MTHFD2L: variants seen among roughly 807,000 people sequenced by gnomAD.
MTHFD2L encodes bifunctional methylenetetrahydrofolate dehydrogenase/cyclohydrolase 2, mitochondrial.
In MTHFD2L, 29 loss-of-function variants were observed where a neutral mutation model predicts 34.9. That is an observed-to-expected ratio of 0.83 (90% confidence interval 0.62 to 1.13). The LOEUF is 1.13. Ranked by LOEUF, MTHFD2L falls within the 50% of genes most tolerant of loss-of-function variation. MTHFD2L has a pLI of 0.00. For synonymous variants in MTHFD2L, 167 were observed against 155.7 expected, an observed-to-expected ratio of 1.07 and a Z score of -0.54; for missense variants, 481 against 446.5, an observed-to-expected ratio of 1.08 and a Z score of -0.70.
intron 7 of MTHFD2L, among the ~76,000 whole-genome samples, chr4:74,282,050 A>G (rs946542424): frequency 7.2e-5 from 11 of 152,068 alleles, no homozygotes; most frequent in African/African-American, 2.7e-4. Context: ...TTTTAGAGAG[A>G]ATAAAGAAAA....
At chr4:74,263,624 C>T in intron 6 of MTHFD2L, among the ~76,000 whole-genome samples, 1 of 151,826 alleles carries the variant, frequency 6.6e-6, no homozygotes, top group Non-Finnish European at 1.5e-5. Flanking sequence ...CCTGATTTGG[C>T]TCTTGACTGG....
intron 6 of MTHFD2L, chr4:74,267,067 T>C: frequency 1.0e-6 from 1 of 985,370 alleles, no homozygotes; most frequent in Non-Finnish European, 1.2e-6. Context: ...TCTCCTTGCT[T>C]TGATCCTTTT....
At chr4:74,205,041 C>G (rs1233409217) in intron 5 of MTHFD2L, among the ~76,000 whole-genome samples, 3 of 151,970 alleles carry the variant, frequency 2.0e-5, no homozygotes, top group Non-Finnish European at 4.4e-5. Flanking sequence ...TTAAACTTAC[C>G]TTTATTATAG....
intron 6 of MTHFD2L, among the ~76,000 whole-genome samples, chr4:74,243,455 C>G (rs1028157980): frequency 6.6e-6 from 1 of 152,004 alleles, no homozygotes; most frequent in Non-Finnish European, 1.5e-5. Context: ...GAGGCAAAGT[C>G]TTGAAGCTTT....
chr4:74,239,234 G>A (rs1438990986), intron 6 of MTHFD2L, among the ~76,000 whole-genome samples: 1 of 152,104 alleles, frequency 6.6e-6, no homozygotes, highest in Non-Finnish European at 1.5e-5. Flanking sequence ...CTGTCACAAG[G>A]ACAGAAAACC....
At chr4:74,293,081 A>C (rs1749161435) in intron 7 of MTHFD2L, among the ~76,000 whole-genome samples, 3 of 152,180 alleles carry the variant, frequency 2.0e-5, no homozygotes, top group Admixed American at 6.6e-5. Context: ...GCTCTAGGGT[A>C]CATGTGCAGA....
At chr4:74,254,123 C>G (rs1187417588) in intron 6 of MTHFD2L, among the ~76,000 whole-genome samples, 1 of 152,046 alleles carries the variant, frequency 6.6e-6, no homozygotes, top group African/African-American at 2.4e-5. Context: ...GGGCAGAAAG[C>G]TTAATTAAAG....
chr4:74,286,244 T>C (rs1748155164), intron 7 of MTHFD2L, among the ~76,000 whole-genome samples: 1 of 152,198 alleles, frequency 6.6e-6, no homozygotes, highest in Non-Finnish European at 1.5e-5. Flanking sequence ...TTTAAAACCA[T>C]CTGTGATAAC....
chr4:74,223,690 A>G (rs927833945), intron 5 of MTHFD2L, among the ~76,000 whole-genome samples: 2 of 152,024 alleles, frequency 1.3e-5, no homozygotes, highest in Admixed American at 6.6e-5. Context: ...CAACTTTTCC[A>G]TGACATTTTT....
chr4:74,278,450 TGTA>T (rs2110267526), intron 6 of MTHFD2L, among the ~76,000 whole-genome samples: 1 of 152,230 alleles, frequency 6.6e-6, no homozygotes, highest in Non-Finnish European at 1.5e-5. Flanking sequence ...ATATGGGCTA[TGTA>T]GCTACTGGTA....
At chr4:74,200,589 A>T (rs1461152351) in intron 4 of MTHFD2L, among the ~76,000 whole-genome samples, 1 of 152,134 alleles carries the variant, frequency 6.6e-6, no homozygotes, top group Non-Finnish European at 1.5e-5. Context: ...TTACCCTTGT[A>T]CTGTACTGGA....
chr4:74,243,092 T>A (rs559570950), intron 6 of MTHFD2L, among the ~76,000 whole-genome samples: 2 of 152,282 alleles, frequency 1.3e-5, no homozygotes, highest in Middle Eastern at 3.4e-3. Context: ...AGAAGGGGAC[T>A]TGGTCAAGTG....
At chr4:74,230,287 T>G (rs1170816880) in intron 6 of MTHFD2L, among the ~76,000 whole-genome samples, 1 of 151,980 alleles carries the variant, frequency 6.6e-6, no homozygotes, top group East Asian at 1.9e-4. Flanking sequence ...AATGTTAAGA[T>G]TAAGAAATGA....
intron 6 of MTHFD2L, chr4:74,267,705 G>T (rs1344220334): frequency 2.0e-6 from 2 of 985,236 alleles, no homozygotes; most frequent in Non-Finnish European, 2.4e-6. Flanking sequence ...AAAGTTCTGG[G>T]ATTACAGGTG....
At chr4:74,127,557 A>G (rs1232002749) in intron 1 of MTHFD2L, among the ~76,000 whole-genome samples, 2 of 152,104 alleles carry the variant, frequency 1.3e-5, no homozygotes, top group Non-Finnish European at 2.9e-5. Context: ...AGTTCCATCT[A>G]TGTTGCTGCA....
intron 5 of MTHFD2L, 84 bp from the exon 6 acceptor site, chr4:74,225,218 T>G: frequency 9.9e-7 from 1 of 1,014,322 alleles, no homozygotes; most frequent in Non-Finnish European, 1.5e-6. Flanking sequence ...TCTTAGGAAA[T>G]AAGTGAAACT....
intron 6 of MTHFD2L, among the ~76,000 whole-genome samples, chr4:74,240,933 T>G (rs1741611099): frequency 6.6e-6 from 1 of 152,176 alleles, no homozygotes; most frequent in Non-Finnish European, 1.5e-5. Flanking sequence ...CAAAGTAATG[T>G]GAATTAAATG....
intron 6 of MTHFD2L, among the ~76,000 whole-genome samples, chr4:74,238,674 A>G (rs757929533): frequency 2.6e-5 from 4 of 152,206 alleles, no homozygotes; most frequent in Non-Finnish European, 5.9e-5. Context: ...AAAAGTGGGC[A>G]AAGGATATGA....
intron 1 of MTHFD2L, among the ~76,000 whole-genome samples, chr4:74,139,913 T>G (rs1723178134): frequency 6.6e-6 from 1 of 152,200 alleles, no homozygotes; most frequent in African/African-American, 2.4e-5. Flanking sequence ...CTATACCACT[T>G]ACTAGATTTG....
Sources: allele counts gnomAD v4.1 joint callset (sites outside exome capture counted in the v4.1 genomes callset), GRCh38; gene constraint gnomAD v4.1.1; transcripts MANE v1.5; gene names NCBI Gene and HGNC (gene_info 2026-07-23, HGNC 2026-07-21).